Variants in VPS13A observed in about 807,000 individuals in gnomAD.
The protein encoded by VPS13A is intermembrane lipid transfer protein VPS13A.
VPS13A carries 264 observed loss-of-function variants against 390.9 expected under a neutral mutation model. The observed-to-expected ratio is 0.68, with a 90% CI of 0.61 to 0.75. The LOEUF (loss-of-function observed/expected upper bound fraction) is 0.75, where lower values mean the gene tolerates loss of function less well. Among genes scored for constraint, VPS13A ranks in the 30% least tolerant of loss-of-function variants. VPS13A has a pLI of 0.00. For synonymous variants in VPS13A, 1,231 were observed against 1,227.1 expected, an observed-to-expected ratio of 1.00 and a Z score of -0.07; for missense variants, 3,409 against 3,733.9, an observed-to-expected ratio of 0.91 and a Z score of 2.27.
intron 54 of VPS13A, among the ~76,000 whole-genome samples, chr9:77,356,035 TG>T (rs1831759728): frequency 6.6e-6 from 1 of 152,228 alleles, no homozygotes; most frequent in Non-Finnish European, 1.5e-5. Flanking sequence ...AACCGATCAG[TG>T]GTATCTCATC....
intron 17 of VPS13A, among the ~76,000 whole-genome samples, chr9:77,231,416 T>G (rs1387113270): frequency 6.6e-6 from 1 of 152,188 alleles, no homozygotes; most frequent in Non-Finnish European, 1.5e-5. Flanking sequence ...TTCATATTTT[T>G]TCCATATCAT....
intron 1 of VPS13A, among the ~76,000 whole-genome samples, chr9:77,181,965 A>G (rs892776647): frequency 4.6e-5 from 7 of 152,180 alleles, no homozygotes; most frequent in African/African-American, 1.7e-4. Flanking sequence ...TGATGTTGGT[A>G]AGGTATACTT....
chr9:77,367,668 A>G (rs1356327227), intron 61 of VPS13A, among the ~76,000 whole-genome samples: 1 of 152,200 alleles, frequency 6.6e-6, no homozygotes, highest in Non-Finnish European at 1.5e-5. Context: ...CTGCAGCTGA[A>G]CCTGGCCATT....
chr9:77,230,654 GGA>G (rs1823779371), intron 17 of VPS13A, among the ~76,000 whole-genome samples: 1 of 152,010 alleles, frequency 6.6e-6, no homozygotes, highest in African/African-American at 2.4e-5. Context: ...CTTGTAATCA[GGA>G]AGTATGACTC....
At chr9:77,238,798 G>A (rs1824299422) in intron 19 of VPS13A, among the ~76,000 whole-genome samples, 1 of 152,160 alleles carries the variant, frequency 6.6e-6, no homozygotes, top group Admixed American at 6.5e-5. Context: ...ATTTGGCAGA[G>A]CTTAATGGTA....
intron 1 of VPS13A, among the ~76,000 whole-genome samples, chr9:77,191,673 C>G (rs75218525): frequency 0.014 from 2,152 of 152,138 alleles, 49 homozygotes; most frequent in African/African-American, 0.05. Context: ...GGTTTAATTT[C>G]CATGGAATTG....
intron 22 of VPS13A, among the ~76,000 whole-genome samples, chr9:77,257,635 G>A (rs1825521647): frequency 6.6e-6 from 1 of 152,116 alleles, no homozygotes; most frequent in East Asian, 1.9e-4. Context: ...GCATAATGGT[G>A]CATGCCTATA....
intron 58 of VPS13A, among the ~76,000 whole-genome samples, chr9:77,360,284 A>C (rs1484010271): frequency 6.6e-6 from 1 of 152,094 alleles, no homozygotes; most frequent in Admixed American, 6.5e-5. Context: ...ATTCATTATC[A>C]CTAATATATA....
intron 40 of VPS13A, 59 bp downstream of exon 40, chr9:77,317,757 A>G: frequency 7.6e-7 from 1 of 1,319,906 alleles, no homozygotes; most frequent in Non-Finnish European, 1.0e-6. Flanking sequence ...AGTAAAGCCT[A>G]GAAAGTTATT....
intron 22 of VPS13A, among the ~76,000 whole-genome samples, chr9:77,255,881 C>T (rs1825409194): frequency 6.6e-6 from 1 of 151,844 alleles, no homozygotes; most frequent in Admixed American, 6.6e-5. Flanking sequence ...TAAATTGAGT[C>T]TTTTCTGTTT....
At position 77,340,221 on chromosome 9, in the gene VPS13A, C is replaced by G; in HGVS notation, c.6818C>G (p.Ser2273Ter). The G allele has an allele frequency of 6.2e-7, 1 of 1,613,172 alleles. No homozygotes were observed. The highest frequency in any genetic ancestry group is 8.5e-7 in the Non-Finnish European group (1 of 1,179,584). Residue 2273 changes from serine (S) to a stop codon, truncating the protein, a stop_gained, in exon 49 of 72, where the codon TCA (serine) becomes TGA (stop). Coordinates refer to ENST00000360280, the MANE Select transcript of VPS13A (RefSeq NM_033305.3). LOFTEE classifies it high-confidence loss of function. ...GATAGTGAGTTGTCCAATCAGTTTT[C>G]AATTGATACTGTTGGTAGTCATGGA... ...VTDSELSNQF[S>*]IDTVGSHGAV...
rs528496776 is a variant in VPS13A at position 77,305,185 on chromosome 9, C to G, written c.3960+2123C>G. 5.3e-5 allele frequency among the ~76,000 whole-genome samples: 8 copies of G among 152,130 alleles called. No individual in the cohort carries two copies. The East Asian group carries it at 1.4e-3, about 26-fold the overall frequency. On this transcript the variant is annotated intron_variant, in intron 34 of 71. Coordinates refer to ENST00000360280, the MANE Select transcript of VPS13A (RefSeq NM_033305.3). Reference sequence around the variant, plus strand: ...GATCTCCTGACCTCGTGATCCACCCCCCTTGGCCTCCCAAAGTGCTGGGAT... The same window carrying G: ...GATCTCCTGACCTCGTGATCCACCCGCCTTGGCCTCCCAAAGTGCTGGGAT...
At chr9:77,217,877 T>C (rs1257489901) in intron 10 of VPS13A, among the ~76,000 whole-genome samples, 1 of 151,976 alleles carries the variant, frequency 6.6e-6, no homozygotes, top group Non-Finnish European at 1.5e-5. Flanking sequence ...TTTTAGTTCT[T>C]TGTGAAGTAT....
chr9:77,245,933 G>A (rs1824780354), intron 19 of VPS13A, among the ~76,000 whole-genome samples: 1 of 152,166 alleles, frequency 6.6e-6, no homozygotes, highest in South Asian at 2.1e-4. Context: ...GAGTTGGGGA[G>A]CCCACATGTG....
chr9:77,374,386 A>G (rs1452808656), intron 67 of VPS13A, among the ~76,000 whole-genome samples: 1 of 152,240 alleles, frequency 6.6e-6, no homozygotes, highest in East Asian at 1.9e-4. Flanking sequence ...AAGCACTGTA[A>G]TACCGCAATA....
In VPS13A at chr9:77,273,563, T is replaced by C. The variant is rs563644719; in HGVS notation, c.2512+199T>C. Among the ~76,000 whole-genome samples, 49 of 152,244 alleles carry C rather than the reference T, an allele frequency of 3.2e-4. 1 individual carries two copies. In the South Asian group the frequency reaches 1.0e-2, roughly 31 times the overall value. On this transcript the variant is annotated intron_variant, in intron 24 of 71. Transcript: ENST00000360280. ...CAGATTTACTAGCATTCATATTTCATGGGTACATGCAAGAAGCTCAGGAAT... is the reference window on the plus strand; with the variant it reads ...CAGATTTACTAGCATTCATATTTCACGGGTACATGCAAGAAGCTCAGGAAT...
In VPS13A at chr9:77,377,453, T is replaced by G. The variant is rs1358009308; in HGVS notation, c.9078-4523T>G. ...CCAGGATGGTCCCGATCTCCTGACC[T>G]CATGATCCACCCGCCTCGGCCTCCC... On this transcript the variant is annotated intron_variant, in intron 67 of 71. Transcript: ENST00000360280. Among the ~76,000 whole-genome samples the G allele has an allele frequency of 3.3e-5, 5 of 152,202 alleles. No individual in the cohort carries two copies. The East Asian group carries it at 9.7e-4, about 29-fold the overall frequency.
intron 20 of VPS13A, among the ~76,000 whole-genome samples, chr9:77,249,301 C>T (rs1219761070): frequency 6.6e-6 from 1 of 152,140 alleles, no homozygotes; most frequent in Non-Finnish European, 1.5e-5. Context: ...AAAATTTATA[C>T]AGCTTATTAT....
At chr9:77,277,005 G>A (rs964425326) in intron 26 of VPS13A, among the ~76,000 whole-genome samples, 2 of 152,066 alleles carry the variant, frequency 1.3e-5, no homozygotes, top group Non-Finnish European at 2.9e-5. Context: ...ATCTTTGTTG[G>A]GGGCAGAGGG....
Sources: allele counts gnomAD v4.1 joint callset (sites outside exome capture counted in the v4.1 genomes callset), GRCh38; gene constraint gnomAD v4.1.1; transcripts MANE v1.5; gene names NCBI Gene and HGNC (gene_info 2026-07-23, HGNC 2026-07-21).